GAD2: variants seen among roughly 807,000 people sequenced by gnomAD.
GAD2 encodes glutamate decarboxylase 2.
GAD2 carries 22 observed loss-of-function variants against 80.1 expected under a neutral mutation model. The observed-to-expected ratio is 0.27, with a 90% CI of 0.20 to 0.39. The LOEUF (loss-of-function observed/expected upper bound fraction) is 0.39. GAD2 is among the 10% of genes least tolerant of loss of function. The pLI is 1.00. For missense variants in GAD2, 624 were observed against 738.4 expected (o/e 0.85, Z 1.80); for synonymous variants, 274 against 256.9 (o/e 1.07, Z -0.64).
intron 9 of GAD2, 98 bp from the exon 10 acceptor site, chr10:26,270,542 G>T: frequency 1.2e-6 from 1 of 855,784 alleles, no homozygotes. Flanking sequence ...AAATTCAGAC[G>T]TGTCTGTTAG....
intron 7 of GAD2, among the ~76,000 whole-genome samples, chr10:26,238,972 C>T (rs1040351345): frequency 2.1e-5 from 3 of 145,418 alleles, no homozygotes; most frequent in Non-Finnish European, 3.0e-5. Context: ...GGATTGGCCC[C>T]GGGGGATGGT....
chr10:26,268,556 A>C (rs1363465492), intron 8 of GAD2, among the ~76,000 whole-genome samples: 2 of 152,028 alleles, frequency 1.3e-5, no homozygotes, highest in East Asian at 3.8e-4. Context: ...TTATTTTAGG[A>C]AAGAAGCATT....
intron 7 of GAD2, among the ~76,000 whole-genome samples, chr10:26,239,611 C>T (rs1379573245): frequency 6.6e-6 from 1 of 152,142 alleles, no homozygotes; most frequent in Non-Finnish European, 1.5e-5. Context: ...GCTGTGTTCT[C>T]GTAGTGGACA....
intron 4 of GAD2, 85 bp from the exon 5 acceptor site, chr10:26,223,802 G>T (rs1844484493): frequency 2.4e-6 from 2 of 835,088 alleles, no homozygotes; most frequent in African/African-American, 1.7e-5. Flanking sequence ...ATCTTTCAAG[G>T]TCCTTTAGCT....
Position 26,223,889 on chromosome 10 carries a change from C to A in GAD2, c.523C>A (p.His175Asn). 6.3e-7 allele frequency: 1 copy of A among 1,590,114 alleles called. No homozygotes were observed. The highest frequency in any genetic ancestry group is 8.6e-7 in the Non-Finnish European group (1 of 1,166,176). ...TTLKYAIKTG[H>N]PRYFNQLSTG... ...TTCTGGTATTCCATTTTATTCAGGG[C>A]ATCCTAGATACTTCAATCAACTTTC... is the stretch of plus-strand genomic sequence containing the variant. Residue 175 changes from histidine (H) to asparagine (N), a missense_variant and splice_region_variant, in exon 5 of 16, where the codon CAT (histidine) becomes AAT (asparagine). By Grantham distance (68) the His-to-Asn change is moderately conservative (BLOSUM62 1). Coordinates refer to ENST00000376261, the MANE Select transcript of GAD2 (RefSeq NM_001134366.2).
At chr10:26,223,402 GT>G (rs1049236393) in intron 4 of GAD2, among the ~76,000 whole-genome samples, 2 of 152,124 alleles carry the variant, frequency 1.3e-5, no homozygotes, top group African/African-American at 4.8e-5. Flanking sequence ...TATTATGAAT[GT>G]TGGCATGCCT....
intron 7 of GAD2, among the ~76,000 whole-genome samples, chr10:26,235,241 A>G (rs750365230): frequency 2.6e-5 from 4 of 152,158 alleles, no homozygotes; most frequent in Admixed American, 1.3e-4. Flanking sequence ...CCTTCTTCCA[A>G]TCTGAGCACT....
intron 8 of GAD2, among the ~76,000 whole-genome samples, chr10:26,263,715 G>T (rs554835386): frequency 1.2e-4 from 19 of 152,240 alleles, no homozygotes; most frequent in African/African-American, 4.3e-4. Flanking sequence ...ACAACTAGCA[G>T]GTTTTTTTTA....
chr10:26,232,384 A>C (rs1272227589), intron 7 of GAD2, among the ~76,000 whole-genome samples: 3 of 151,634 alleles, frequency 2.0e-5, no homozygotes, highest in Non-Finnish European at 4.4e-5. Flanking sequence ...AAATTGACTG[A>C]GACTTGATCA....
chr10:26,255,429 A>G (rs993756660), intron 8 of GAD2, among the ~76,000 whole-genome samples: 2 of 152,046 alleles, frequency 1.3e-5, no homozygotes, highest in African/African-American at 4.8e-5. Flanking sequence ...GAGAACTAAT[A>G]CAGGCAAGGT....
chr10:26,269,951 C>T lies in GAD2; in HGVS notation c.976-689C>T, dbSNP rs1845114904. ...AACTAGAAGATTAAACCTTTGCTGC[C>T]ACCTAAAGACTGACACCATAACATC... On this transcript the variant is annotated intron_variant, in intron 9 of 15. Coordinates refer to ENST00000376261, the MANE Select transcript of GAD2 (RefSeq NM_001134366.2). Among the ~76,000 whole-genome samples the T allele has an allele frequency of 3.3e-5, 5 of 152,230 alleles. No homozygotes were observed. The South Asian group carries it at 1.0e-3, about 32-fold the overall frequency.
intron 4 of GAD2, among the ~76,000 whole-genome samples, chr10:26,221,054 A>G (rs972313755): frequency 1.3e-5 from 2 of 152,246 alleles, no homozygotes; most frequent in Non-Finnish European, 2.9e-5. Context: ...TTTTCATAAC[A>G]TATTTAGTCT....
intron 8 of GAD2, among the ~76,000 whole-genome samples, chr10:26,259,249 TC>T (rs1844980029): frequency 6.6e-6 from 1 of 152,230 alleles, no homozygotes; most frequent in African/African-American, 2.4e-5. Flanking sequence ...ACATGGTAAT[TC>T]TATCTTTAAT....
chr10:26,258,356 GCTC>G (rs939802852), intron 8 of GAD2, among the ~76,000 whole-genome samples: 39 of 152,100 alleles, frequency 2.6e-4, no homozygotes, highest in Non-Finnish European at 1.3e-4. Context: ...TTTAAACAGA[GCTC>G]CTTTTTTATT....
At chr10:26,289,493 C>CA (rs2132318134) in intron 13 of GAD2, among the ~76,000 whole-genome samples, 1 of 152,180 alleles carries the variant, frequency 6.6e-6, no homozygotes, top group South Asian at 2.1e-4. Flanking sequence ...TGACAGCCAT[C>CA]ATATTAAGTC....
chr10:26,286,479 G>A lies in GAD2; in HGVS notation c.1371G>A (p.Leu457=), dbSNP rs150918900. 1.9e-6 allele frequency: 3 copies of A among 1,613,146 alleles called. No homozygotes were observed. In the African/African-American group the frequency reaches 4.0e-5, roughly 22 times the overall value. ...GRHVDVFKLW[L]MWRAKGTTGF... Reference sequence around the variant, plus strand: ...ACGTTGATGTTTTTAAACTATGGCTGATGTGGAGGGCAAAGGTGAGTATGT... The same window carrying A: ...ACGTTGATGTTTTTAAACTATGGCTAATGTGGAGGGCAAAGGTGAGTATGT... The change falls in exon 13 of 16, where the codon CTG becomes CTA. Residue 457 remains leucine, a synonymous_variant. Transcript: ENST00000376261.
intron 7 of GAD2, among the ~76,000 whole-genome samples, chr10:26,242,934 T>G (rs1393529743): frequency 6.6e-6 from 1 of 152,138 alleles, no homozygotes; most frequent in African/African-American, 2.4e-5. Flanking sequence ...TTGCATGTAC[T>G]TAGTTGGGGC....
intron 7 of GAD2, among the ~76,000 whole-genome samples, chr10:26,234,682 T>C (rs1844648507): frequency 6.6e-6 from 1 of 152,122 alleles, no homozygotes; most frequent in South Asian, 2.1e-4. Flanking sequence ...GAAAGGAAAG[T>C]CATATTAATG....
Position 26,245,973 on chromosome 10 carries a change from G to T in GAD2, c.893G>T (p.Ser298Ile). 6.2e-7 allele frequency: 1 copy of T among 1,614,154 alleles called. No individual in the cohort carries two copies. Among genetic ancestry groups the T allele is most frequent in the Non-Finnish European group, 8.5e-7 (1 of 1,179,984 alleles). Residue 298 changes from serine (S) to isoleucine (I), a missense_variant, in exon 8 of 16, where the codon AGC becomes ATC. Coordinates refer to ENST00000376261, the MANE Select transcript of GAD2 (RefSeq NM_001134366.2). ...GAAALGIGTD[S>I]VILIKCDERG... ...GCAGCCTTAGGGATTGGAACAGACA[G>T]CGTGATTCTGATTAAATGTGATGAG...
Sources: gnomAD v4.1 joint callset for allele counts (sites outside exome capture counted in the v4.1 genomes callset) on GRCh38, gnomAD v4.1.1 for gene constraint, MANE v1.5 for transcripts, NCBI Gene and HGNC (gene_info 2026-07-23, HGNC 2026-07-21) for gene names.